The following FRMPD4 variants were observed in gnomAD, a reference collection of about 807,000 sequenced individuals.
The protein encoded by FRMPD4 is FERM and PDZ domain-containing protein 4.
FRMPD4 carries 22 observed loss-of-function variants against 94.1 expected under a neutral mutation model. The observed-to-expected ratio is 0.23, with a 90% confidence interval of 0.17 to 0.33. The LOEUF is 0.33. Among genes scored for constraint, FRMPD4 ranks in the 10% least tolerant of loss-of-function variants. FRMPD4 has a pLI of 1.00. For synonymous variants in FRMPD4, 631 were observed against 548.6 expected (o/e 1.15, Z -2.10); for missense variants, 1,111 against 1,339.9 (o/e 0.83, Z 2.67).
At chrX:12,702,868 A>G (rs2041813348) in intron 10 of FRMPD4, among the ~76,000 whole-genome samples, 1 of 112,317 alleles carries the variant, frequency 8.9e-6, no homozygotes. Flanking sequence ...CATAAGCGTG[A>G]CTGTAGCCTG....
At chrX:11,850,112 C>T (rs1272089655) in intron 1 of FRMPD4, among the ~76,000 whole-genome samples, 1 of 111,659 alleles carries the variant, frequency 9.0e-6, no homozygotes. Context: ...AAAAAATGGG[C>T]AAGGGATTTG....
intron 1 of FRMPD4, among the ~76,000 whole-genome samples, chrX:12,428,201 TA>T (rs937711771): frequency 9.0e-6 from 1 of 111,063 alleles, no homozygotes; most frequent in Admixed American, 9.6e-5. Context: ...ATTTTAACTT[TA>T]AAAAAAATCC....
chrX:12,282,885 A>G (rs191010874), intron 1 of FRMPD4, among the ~76,000 whole-genome samples: 8 of 110,607 alleles, frequency 7.2e-5, no homozygotes, highest in South Asian at 3.7e-4. Context: ...AGAAAGGTCA[A>G]TGTCTATACC....
Position 12,721,685 on chromosome X carries a change from G to C in FRMPD4, c.5116G>C (p.Gly1706Arg), listed in dbSNP as rs991759266. The part of the protein sequence containing the change: ...NSETQRQEIV[G>R]KIDEVVINYI... ...AGAAACACAGCGGCAGGAAATTGTA[G>C]GGAAGATCGATGAAGTGGTCATAAA... Residue 1706 changes from glycine to arginine, a missense_variant, in exon 17 of 17, where the codon GGG becomes CGG. By Grantham distance (125) the Gly-to-Arg change is moderately radical. Around this residue, in one of 8 missense-constraint regions of FRMPD4, gnomAD observed 551 missense variants for 591.6 expected, o/e 0.93. Transcript: ENST00000675598. 6 of 753,451 alleles carry C rather than the reference G, an allele frequency of 8.0e-6. No homozygotes were observed. Among genetic ancestry groups the C allele is most frequent in the Non-Finnish European group, 9.4e-6 (6 of 636,997 alleles). 62.1% of individuals were successfully genotyped at this position (753,451 alleles called of 1,213,427 possible).
At chrX:12,110,645 T>A (rs139755979) in intron 3 of FRMPD4, among the ~76,000 whole-genome samples, 8,482 of 111,186 alleles carry the variant, frequency 0.076, 871 homozygotes, top group East Asian at 0.58. Context: ...TGTTTGCAGA[T>A]GACATGATTG....
At chrX:12,002,404 A>G (rs984048097) in intron 3 of FRMPD4, among the ~76,000 whole-genome samples, 3 of 112,022 alleles carry the variant, frequency 2.7e-5, no homozygotes, top group Non-Finnish European at 5.6e-5. Flanking sequence ...CTAGAATTGT[A>G]TTTCTAATTA....
chrX:12,271,543 G>A (rs890848419), intron 1 of FRMPD4, among the ~76,000 whole-genome samples: 5 of 112,092 alleles, frequency 4.5e-5, no homozygotes, highest in African/African-American at 1.6e-4. Context: ...TGTACCATTC[G>A]AGAGGTTTTC....
At chrX:12,566,432 CCT>C (rs756329265) in intron 2 of FRMPD4, among the ~76,000 whole-genome samples, 7 of 111,095 alleles carry the variant, frequency 6.3e-5, no homozygotes, top group East Asian at 5.6e-4. Context: ...ATGACTGCCC[CCT>C]GAGTACTCAA....
At chrX:12,538,250 T>C (rs1392840869) in intron 2 of FRMPD4, among the ~76,000 whole-genome samples, 4 of 110,895 alleles carry the variant, frequency 3.6e-5, no homozygotes, top group African/African-American at 1.3e-4. Context: ...CAGTCTGAGA[T>C]TGAACTGAAA....
intron 1 of FRMPD4, among the ~76,000 whole-genome samples, chrX:12,472,964 G>A (rs1261305267): frequency 2.8e-5 from 3 of 108,637 alleles, no homozygotes; most frequent in East Asian, 2.8e-4. Context: ...TACAGAGAAC[G>A]CCACAAAGAT....
intron 14 of FRMPD4, 90 bp downstream of exon 14, chrX:12,710,627 G>C: frequency 1.1e-6 from 1 of 879,236 alleles, no homozygotes. Context: ...AAAAGTTAAG[G>C]CCAGGCGCGG....
intron 3 of FRMPD4, among the ~76,000 whole-genome samples, chrX:11,904,413 G>C (rs1485938302): frequency 1.8e-5 from 2 of 112,132 alleles, no homozygotes; most frequent in Non-Finnish European, 3.8e-5. Context: ...ATCGAGTCCT[G>C]TTTATCCTTG....
At chrX:12,575,205 T>C (rs1283258184) in intron 2 of FRMPD4, among the ~76,000 whole-genome samples, 1 of 112,116 alleles carries the variant, frequency 8.9e-6, no homozygotes, top group East Asian at 2.8e-4. Context: ...TCATAATTTA[T>C]TGTCAGTCTT....
chrX:11,990,854 G>A (rs1329644996), intron 3 of FRMPD4, among the ~76,000 whole-genome samples: 1 of 111,720 alleles, frequency 9.0e-6, no homozygotes, highest in African/African-American at 3.2e-5. Context: ...GCTACTGACT[G>A]GACCGCATGC....
At chrX:12,035,676 A>G (rs907612900) in intron 3 of FRMPD4, among the ~76,000 whole-genome samples, 1 of 111,398 alleles carries the variant, frequency 9.0e-6, no homozygotes, top group African/African-American at 3.3e-5. Flanking sequence ...GTACATTGGA[A>G]AGGCATTTTA....
chrX:12,395,066 G>C (rs1312520215), intron 1 of FRMPD4, among the ~76,000 whole-genome samples: 1 of 112,274 alleles, frequency 8.9e-6, no homozygotes, highest in Non-Finnish European at 1.9e-5. Context: ...TGGCTGTGTT[G>C]ACAAATTTAA....
At chrX:12,585,824 T>C (rs1274772298) in intron 2 of FRMPD4, among the ~76,000 whole-genome samples, 1 of 112,308 alleles carries the variant, frequency 8.9e-6, no homozygotes, top group African/African-American at 3.2e-5. Context: ...AAATTAAATA[T>C]TAACAATTTT....
At position 12,716,304 on chromosome X, in the gene FRMPD4, G is replaced by C. The variant is rs1379292478; in HGVS notation, c.1845G>C (p.Glu615Asp). Reference protein sequence around the residue: ...GLNQQLSQPGEAPCEADYRSL... With the variant: ...GLNQQLSQPGDAPCEADYRSL... ...ACCAGCAGCTGAGCCAGCCCGGGGA[G>C]GCCCCCTGTGAGGCAGACTACAGAA... The change falls in exon 15 of 17, where the codon GAG becomes GAC. Residue 615 changes from glutamate to aspartate, a missense_variant. By Grantham distance (45) the Glu-to-Asp change is conservative. Transcript: ENST00000675598. The C allele has an allele frequency of 8.3e-7, 1 of 1,209,126 alleles. No homozygotes were observed. The highest frequency in any genetic ancestry group is 1.7e-5 in the African/African-American group (1 of 57,233).
chrX:12,711,981 T>C (rs748331654), intron 14 of FRMPD4, among the ~76,000 whole-genome samples: 1 of 111,256 alleles, frequency 9.0e-6, no homozygotes, highest in Non-Finnish European at 1.9e-5. Context: ...AAAGGGAAGC[T>C]AGAAACAAGG....
Sources: gnomAD v4.1 joint callset for allele counts (sites outside exome capture counted in the v4.1 genomes callset) on GRCh38, gnomAD v4.1.1 for gene constraint, gnomAD v4.1.1 regional missense constraint, MANE v1.5 for transcripts, NCBI Gene and HGNC (gene_info 2026-07-23, HGNC 2026-07-21) for gene names.